Variants in PCDHA11 observed in about 807,000 individuals in gnomAD.
PCDHA11 encodes protocadherin alpha 11, also known as protocadherin alpha-11.
PCDHA11 carries 61 observed loss-of-function variants against 70.3 expected under a neutral mutation model. That is an observed-to-expected ratio of 0.87 (90% CI 0.71 to 1.07). PCDHA11 has a LOEUF of 1.07. Among genes scored for constraint, PCDHA11 ranks in the 50% least tolerant of loss-of-function variants. The probability of loss-of-function intolerance (pLI) is 0.00; values close to 1 mark genes in which losing one functional copy is unlikely to be tolerated. For synonymous variants in PCDHA11, 633 were observed against 555.1 expected (o/e 1.14, Z -1.97); for missense variants, 1,324 against 1,237.5 (o/e 1.07, Z -1.05).
intron 1 of PCDHA11, among the ~76,000 whole-genome samples, chr5:140,957,828 G>A (rs554121251): frequency 6.0e-5 from 9 of 150,668 alleles, no homozygotes; most frequent in Non-Finnish European, 1.2e-4. Context: ...AAGAGAAAGT[G>A]TTAATTGATT....
intron 1 of PCDHA11, chr5:140,876,230 A>C: frequency 6.2e-7 from 1 of 1,613,886 alleles, no homozygotes; most frequent in South Asian, 1.1e-5. Flanking sequence ...GTGTTGTCTG[A>C]AAATGTCCAA....
At chr5:140,916,641 G>T (rs781877597) in intron 1 of PCDHA11, among the ~76,000 whole-genome samples, 2 of 152,150 alleles carry the variant, frequency 1.3e-5, no homozygotes, top group African/African-American at 2.4e-5. Context: ...TCCTACTGTG[G>T]CTGAGCTGGT....
chr5:140,981,037 A>T (rs1427761331), intron 2 of PCDHA11, among the ~76,000 whole-genome samples: 1 of 152,204 alleles, frequency 6.6e-6, no homozygotes, highest in Non-Finnish European at 1.5e-5. Context: ...TTTGGGGAAA[A>T]AAAACAGATA....
intron 1 of PCDHA11, among the ~76,000 whole-genome samples, chr5:140,960,837 G>A (rs1554225051): frequency 6.6e-6 from 1 of 151,456 alleles, no homozygotes; most frequent in African/African-American, 2.5e-5. Flanking sequence ...ACTTGGAACA[G>A]GTTTAATGGC....
At chr5:140,898,497 T>G (rs1473036595) in intron 1 of PCDHA11, among the ~76,000 whole-genome samples, 2 of 152,216 alleles carry the variant, frequency 1.3e-5, no homozygotes, top group African/African-American at 4.8e-5. Flanking sequence ...ATCAGATAGT[T>G]GTAGATATGC....
At chr5:140,983,034 C>T (rs923296416) in intron 3 of PCDHA11, among the ~76,000 whole-genome samples, 1 of 151,944 alleles carries the variant, frequency 6.6e-6, no homozygotes, top group Non-Finnish European at 1.5e-5. Context: ...GATGGTTTCT[C>T]ATGGAAGTGG....
chr5:140,967,234 G>A (rs781912172), intron 1 of PCDHA11: 3 of 1,613,746 alleles, frequency 1.9e-6, no homozygotes, highest in South Asian at 1.1e-5. Context: ...ACCAGCTTCA[G>A]GTAAGCGAAT....
chr5:140,968,287 C>T lies in PCDHA11; in HGVS notation c.2392-10662C>T, dbSNP rs7712041. Reference sequence around the variant, plus strand: ...AGGAGAATGCAGAGGTGACCTACTCCCTTCTGGAGAGGGAGATTCAAGGGC... The same window carrying T: ...AGGAGAATGCAGAGGTGACCTACTCTCTTCTGGAGAGGGAGATTCAAGGGC... On this transcript the variant is annotated intron_variant, in intron 1 of 3. Coordinates refer to ENST00000398640, the MANE Select transcript of PCDHA11 (RefSeq NM_018902.5). The T allele has an allele frequency of 2.5e-3, 4,093 of 1,613,902 alleles. 64 individuals are homozygous for T. In the African/African-American group the frequency reaches 0.039, roughly 16 times the overall value.
chr5:140,906,999 G>C (rs187849442), intron 1 of PCDHA11, among the ~76,000 whole-genome samples: 1 of 152,088 alleles, frequency 6.6e-6, no homozygotes, highest in Non-Finnish European at 1.5e-5. Flanking sequence ...TCCTCCCTCT[G>C]GAACTAAGAC....
chr5:140,869,316 T>A lies in PCDHA11; in HGVS notation c.213T>A (p.His71Gln). Reference protein sequence around the residue: ...QRLFRVASKTHGDLLEVNLQN... With the variant: ...QRLFRVASKTQGDLLEVNLQN... ...TGTTCCGGGTGGCGTCCAAAACACA[T>A]GGGGACCTTCTGGAGGTAAATCTGC... The change falls in exon 1 of 4, where the codon CAT (histidine) becomes CAA (glutamine). Residue 71 changes from histidine to glutamine, a missense_variant. By Grantham distance (24) the His-to-Gln change is conservative. Transcript: ENST00000398640. 6.2e-7 allele frequency: 1 copy of A among 1,613,748 alleles called. No individual in the cohort carries two copies. Among genetic ancestry groups the A allele is most frequent in the Non-Finnish European group, 8.5e-7 (1 of 1,179,988 alleles).
intron 1 of PCDHA11, chr5:140,967,882 C>T (rs1323816592): frequency 1.2e-6 from 2 of 1,614,108 alleles, no homozygotes. Context: ...ACCTGTATAG[C>T]CCAGTGCCTG....
intron 3 of PCDHA11, among the ~76,000 whole-genome samples, chr5:140,983,911 G>A (rs546792762): frequency 6.6e-6 from 1 of 152,290 alleles, no homozygotes; most frequent in East Asian, 1.9e-4. Flanking sequence ...ATTCTAATCA[G>A]CCAGGATTTG....
At chr5:140,939,672 A>T (rs573857311) in intron 1 of PCDHA11, among the ~76,000 whole-genome samples, 1 of 152,314 alleles carries the variant, frequency 6.6e-6, no homozygotes, top group Non-Finnish European at 1.5e-5. Context: ...ACCAACTTGT[A>T]TGTATGTGTG....
intron 1 of PCDHA11, chr5:140,876,970 G>T (rs1554169165): frequency 6.2e-7 from 1 of 1,612,850 alleles, no homozygotes; most frequent in East Asian, 2.2e-5. Flanking sequence ...GCGGCGGGTG[G>T]GCGAGCACGC....
intron 3 of PCDHA11, among the ~76,000 whole-genome samples, chr5:140,983,234 G>C (rs1021819523): frequency 6.6e-6 from 1 of 152,196 alleles, no homozygotes; most frequent in Non-Finnish European, 1.5e-5. Context: ...TTTCAGGAAA[G>C]AGAACCTGCT....
intron 1 of PCDHA11, among the ~76,000 whole-genome samples, chr5:140,950,457 A>C (rs1392302571): frequency 6.6e-6 from 1 of 152,048 alleles, no homozygotes; most frequent in Non-Finnish European, 1.5e-5. Flanking sequence ...ACTGTCTTCT[A>C]ATGCTCATAG....
intron 1 of PCDHA11, among the ~76,000 whole-genome samples, chr5:140,918,972 A>G (rs782748846): frequency 6.6e-5 from 10 of 152,184 alleles, no homozygotes; most frequent in Non-Finnish European, 1.3e-4. Flanking sequence ...GATATCGTTT[A>G]GGTTAGTTGG....
chr5:141,010,360 C>T lies in PCDHA11; in HGVS notation c.*423C>T, dbSNP rs1436094767. 22 of 1,488,936 alleles carry T rather than the reference C, an allele frequency of 1.5e-5. No individual in the cohort carries two copies. Among genetic ancestry groups the T allele is most frequent in the Non-Finnish European group, 1.9e-5 (21 of 1,118,260 alleles). The allele number at this position is 1,488,936 out of a possible 1,614,324, so 92.2% of individuals were successfully genotyped here. ...GGCCACTGGGTATGTGTGGCTACCG[C>T]GGGTATGCGAGTGCCAGATATTGGC... On this transcript the variant is annotated 3_prime_UTR_variant, in exon 4 of 4. Coordinates refer to ENST00000398640, the MANE Select transcript of PCDHA11 (RefSeq NM_018902.5).
chr5:140,956,009 C>G (rs1479377959), intron 1 of PCDHA11, among the ~76,000 whole-genome samples: 1 of 152,192 alleles, frequency 6.6e-6, no homozygotes, highest in Non-Finnish European at 1.5e-5. Context: ...TATCCTGAGA[C>G]TTTGCTGAAG....
Sources: gnomAD v4.1 joint callset for allele counts (sites outside exome capture counted in the v4.1 genomes callset) on GRCh38, gnomAD v4.1.1 for gene constraint, MANE v1.5 for transcripts, NCBI Gene and HGNC (gene_info 2026-07-23, HGNC 2026-07-21) for gene names.